Variants in TMEM44 observed in about 807,000 individuals in gnomAD.
The protein encoded by TMEM44 is transmembrane protein 44.
TMEM44 carries 43 observed loss-of-function variants against 47.8 expected under a neutral mutation model. That is an observed-to-expected ratio of 0.90 (90% CI 0.70 to 1.16). TMEM44 has a LOEUF of 1.16. TMEM44 is among the 50% of genes most tolerant of loss of function. The pLI, the probability that TMEM44 is intolerant of heterozygous loss-of-function variation, is 0.00. For synonymous variants in TMEM44, 277 were observed against 238.8 expected (o/e 1.16, Z -1.48); for missense variants, 568 against 555.2 (o/e 1.02, Z -0.23).
chr3:194,596,398 G>A (rs1201513902), intron 9 of TMEM44, among the ~76,000 whole-genome samples: 2 of 152,144 alleles, frequency 1.3e-5, no homozygotes, highest in Non-Finnish European at 2.9e-5. Context: ...TGGTTTCTGC[G>A]CAGACAGCAG....
At chr3:194,618,451 A>G (rs114651905) in intron 5 of TMEM44, among the ~76,000 whole-genome samples, 15,671 of 149,512 alleles carry the variant, frequency 0.1, 891 homozygotes, top group South Asian at 0.18. Context: ...TATTAAACTC[A>G]TTAGATGAGT....
chr3:194,619,207 C>T (rs958037743), intron 5 of TMEM44, among the ~76,000 whole-genome samples: 12 of 152,250 alleles, frequency 7.9e-5, no homozygotes, highest in East Asian at 7.7e-4. Flanking sequence ...CCAGTGACAG[C>T]GCCCACTGTC....
intron 9 of TMEM44, among the ~76,000 whole-genome samples, chr3:194,594,612 G>C (rs1329628542): frequency 1.3e-5 from 2 of 149,110 alleles, no homozygotes; most frequent in Admixed American, 6.7e-5. Context: ...CCTGCTGAGG[G>C]AACATAAACT....
intron 2 of TMEM44, 38 bp downstream of exon 2, chr3:194,628,345 G>A (rs1270705460): frequency 1.9e-6 from 3 of 1,594,964 alleles, no homozygotes; most frequent in Non-Finnish European, 2.6e-6. Context: ...CTCCCTTAGT[G>A]CTGGCCTAAG....
intron 7 of TMEM44, among the ~76,000 whole-genome samples, chr3:194,615,317 C>T (rs1715757580): frequency 6.6e-6 from 1 of 152,098 alleles, no homozygotes; most frequent in South Asian, 2.1e-4. Flanking sequence ...CTGGAATTCC[C>T]AAGCCCCGGC....
At chr3:194,599,922 G>C (rs1474600971) in intron 9 of TMEM44, among the ~76,000 whole-genome samples, 1 of 151,856 alleles carries the variant, frequency 6.6e-6, no homozygotes, top group African/African-American at 2.4e-5. Context: ...ACCATACCCG[G>C]CTAATTTTTG....
At position 194,604,208 on chromosome 3, in the gene TMEM44, A is replaced by G. The variant is rs573608373; in HGVS notation, c.1176+79T>C. ...ACGTGGATAAGATGAGAACAGCTGC[A>G]CAAGCCCCAAGGAGCACCCAGCAAG... On this transcript the variant is annotated intron_variant, in intron 9 of 9. Coordinates refer to ENST00000347147, the MANE Select transcript of TMEM44 (RefSeq NM_001011655.3). 2,283 of 1,512,278 alleles carry G rather than the reference A, an allele frequency of 1.5e-3. 38 individuals carry two copies. The South Asian group carries it at 0.019, about 13-fold the overall frequency. 93.7% of individuals were successfully genotyped at this position (1,512,278 alleles called of 1,614,324 possible).
intron 5 of TMEM44, chr3:194,617,895 T>C (rs988328158): frequency 3.9e-5 from 24 of 608,066 alleles, no homozygotes; most frequent in Middle Eastern, 4.3e-4. Context: ...TTCAAAAATG[T>C]GTGTGTGGCA....
At chr3:194,631,387 G>A (rs763295485) in intron 1 of TMEM44, among the ~76,000 whole-genome samples, 3 of 151,980 alleles carry the variant, frequency 2.0e-5, no homozygotes, top group Admixed American at 6.6e-5. Context: ...TCCTTAGGAC[G>A]ATTTAGCTGA....
intron 5 of TMEM44, 193 bp downstream of exon 5, chr3:194,623,031 G>A (rs913453845): frequency 2.0e-6 from 1 of 502,574 alleles, no homozygotes. Flanking sequence ...AGGACGCCCT[G>A]GGTTGGCTGC....
chr3:194,625,008 T>C (rs1008771243), intron 3 of TMEM44, among the ~76,000 whole-genome samples: 1 of 152,028 alleles, frequency 6.6e-6, no homozygotes, highest in Non-Finnish European at 1.5e-5. Context: ...TGGGCCACCA[T>C]GCCCGGCCCC....
chr3:194,631,772 C>T (rs1717852863), intron 1 of TMEM44, among the ~76,000 whole-genome samples: 1 of 152,094 alleles, frequency 6.6e-6, no homozygotes, highest in Non-Finnish European at 1.5e-5. Flanking sequence ...TTAACCCAGC[C>T]CACACACCAC....
rs949013353 is a variant in TMEM44, at chr3:194,611,708, C to A, written c.913-688G>T. On this transcript the variant is annotated intron_variant, in intron 7 of 9. Coordinates refer to ENST00000347147, the MANE Select transcript of TMEM44 (RefSeq NM_001011655.3). The surrounding 1 kb of genome is among the most constrained non-coding windows in gnomAD (Gnocchi z 4.2). ...CTCTAACCTTGATGCACATCAGAAGCACCCTGTGGGTTTTGCTAAAATACA... is the reference window on the plus strand; with the variant it reads ...CTCTAACCTTGATGCACATCAGAAGAACCCTGTGGGTTTTGCTAAAATACA... Among the ~76,000 whole-genome samples the A allele has an allele frequency of 2.0e-5, 3 of 152,092 alleles. No homozygotes were observed. Among genetic ancestry groups the A allele is most frequent in the African/African-American group, 7.2e-5 (3 of 41,418 alleles).
At chr3:194,598,697 C>T (rs1713707575) in intron 9 of TMEM44, among the ~76,000 whole-genome samples, 1 of 152,284 alleles carries the variant, frequency 6.6e-6, no homozygotes, top group Non-Finnish European at 1.5e-5. Context: ...GTTACCACGG[C>T]GTGTTGAGGC....
At chr3:194,628,740 G>A (rs577791158) in intron 1 of TMEM44, among the ~76,000 whole-genome samples, 62 of 152,290 alleles carry the variant, frequency 4.1e-4, no homozygotes, top group African/African-American at 1.1e-3. Flanking sequence ...TGAAGACACC[G>A]CCTCTTTGGA....
rs1354808440 is a variant in TMEM44, at chr3:194,610,900, A to T, written c.1017+16T>A. On this transcript the variant is annotated intron_variant, in intron 8 of 9. Coordinates refer to ENST00000347147, the MANE Select transcript of TMEM44 (RefSeq NM_001011655.3). ...CCATCCTCTCAGACACCTGGCCATG[A>T]CCGATGGCCACTCACCTGCTGCACA... is the stretch of plus-strand genomic sequence containing the variant. 1 of 1,606,238 alleles carries T rather than the reference A, an allele frequency of 6.2e-7. No homozygotes were observed. Among genetic ancestry groups the T allele is most frequent in the African/African-American group, 1.3e-5 (1 of 74,720 alleles).
rs777811530 is a variant in TMEM44 at position 194,604,294 on chromosome 3, T to A, written c.1169A>T (p.Asp390Val). ...SSSEVSSINS[D>V]LEWDPEDVNL... is the part of the protein sequence containing the mutation. ...CAGGCAACAGCCGTGTACCTCCAGG[T>A]CGGAGTTGATGGAGGAGACCTCAGA... The change falls in exon 9 of 10, where the codon GAC (aspartate) becomes GTC (valine). Residue 390 changes from aspartate (D) to valine (V), a missense_variant. Coordinates refer to ENST00000347147, the MANE Select transcript of TMEM44 (RefSeq NM_001011655.3). 6 of 1,578,650 alleles carry A rather than the reference T, an allele frequency of 3.8e-6. No homozygotes were observed. In the East Asian group the frequency reaches 1.4e-4, roughly 37 times the overall value.
intron 6 of TMEM44, chr3:194,616,432 A>G (rs990740866): frequency 5.2e-6 from 2 of 381,420 alleles, no homozygotes; most frequent in African/African-American, 4.2e-5. Context: ...ACTGGGCCCT[A>G]ACTCCAACAG....
chr3:194,615,785 C>G (rs909724034), intron 6 of TMEM44, 88 bp from the exon 7 acceptor site: 11 of 1,527,736 alleles, frequency 7.2e-6, no homozygotes, highest in African/African-American at 1.4e-5. Flanking sequence ...TGCCACCCCC[C>G]TCCCCACTCA....
Sources: gnomAD v4.1 joint callset for allele counts (sites outside exome capture counted in the v4.1 genomes callset) on GRCh38, gnomAD v4.1.1 for gene constraint, Gnocchi (gnomAD v3.1) non-coding constraint, MANE v1.5 for transcripts, NCBI Gene and HGNC (gene_info 2026-07-23, HGNC 2026-07-21) for gene names.